The following NKX2-4 variants were observed in gnomAD, a reference collection of about 807,000 sequenced individuals.
NKX2-4 encodes the protein NK2 homeobox 4.
In NKX2-4, 6 loss-of-function variants were observed where a neutral mutation model predicts 8.6. That is an observed-to-expected ratio of 0.70 (90% CI 0.38 to 1.38). The LOEUF is 1.38. Ranked by LOEUF, NKX2-4 falls within the 40% of genes most tolerant of loss-of-function variation. The probability of loss-of-function intolerance (pLI) is 0.02; values close to 1 mark genes in which losing one functional copy is unlikely to be tolerated. For synonymous variants in NKX2-4, 299 were observed against 272.6 expected (o/e 1.10, Z -0.95); for missense variants, 601 against 548.4 (o/e 1.10, Z -0.96).
rs775372230 is a variant in NKX2-4, at chr20:21,396,284, G to A, written c.692C>T (p.Thr231Met). Reference protein sequence around the residue: ...HLASMIHLTPTQVKIWFQNHR... With the variant: ...HLASMIHLTPMQVKIWFQNHR... The stretch of plus-strand genomic sequence containing the variant: ...GTTCTGGAACCAGATCTTGACCTGC[G>A]TGGGCGTCAGGTGGATCATGCTGGC... The change falls in exon 2 of 2, where the codon ACG becomes ATG. Residue 231 changes from threonine (T) to methionine (M), a missense_variant. Coordinates refer to ENST00000351817, the MANE Select transcript of NKX2-4 (RefSeq NM_033176.2). The A allele has an allele frequency of 1.9e-6, 3 of 1,605,922 alleles. No individual in the cohort carries two copies. The South Asian group carries it at 3.3e-5, about 18-fold the overall frequency.
chr20:21,397,228 G>A lies in NKX2-4; in HGVS notation c.172C>T (p.Gln58Ter). 1 of 1,238,974 alleles carries A rather than the reference G, an allele frequency of 8.1e-7. No individual in the cohort carries two copies. The highest frequency in any genetic ancestry group is 1.0e-6 in the Non-Finnish European group (1 of 996,522). The allele number at this position is 1,238,974 out of a possible 1,614,324, so 76.7% of individuals were successfully genotyped here. The change falls in exon 1 of 2, where the codon CAG becomes TAG. Residue 58 changes from glutamine to a stop codon, truncating the protein, a stop_gained. Coordinates refer to ENST00000351817, the MANE Select transcript of NKX2-4 (RefSeq NM_033176.2). LOFTEE classifies it high-confidence loss of function. ...YRAPPPGPSS[Q>*]AATVAGMQPS... Reference sequence around the variant, plus strand: ...TGCATGCCCGCCACGGTCGCCGCCTGCGAGGAGGGCCCAGGTGGCGGCGCG... The same window carrying A: ...TGCATGCCCGCCACGGTCGCCGCCTACGAGGAGGGCCCAGGTGGCGGCGCG...
At position 21,396,178 on chromosome 20, in the gene NKX2-4, C is replaced by T. The variant is rs773438879; in HGVS notation, c.798G>A (p.Pro266=). ...CGCGGCGCGGGGACGGCGGCGGAGG[C>T]GGCGGCGGGCCCAGGCCGCCCTCCT... ...LQQEGGLGPP[P]PPPPSPRRVA... is the part of the protein sequence containing the mutation. The change falls in exon 2 of 2, where the codon CCG becomes CCA. Residue 266 remains proline (P), a synonymous_variant. Transcript: ENST00000351817. 5 of 1,501,618 alleles carry T rather than the reference C, an allele frequency of 3.3e-6. No individual in the cohort carries two copies. The highest frequency in any genetic ancestry group is 4.4e-6 in the Non-Finnish European group (5 of 1,129,802). 93.0% of individuals were successfully genotyped at this position (1,501,618 alleles called of 1,614,324 possible). A position where few individuals can be genotyped will look rare whatever the true frequency, so the allele number is the denominator to read the frequency against.
Position 21,395,903 on chromosome 20 carries a change from C to T in NKX2-4, c.*8G>A. On this transcript the variant is annotated 3_prime_UTR_variant, in exon 2 of 2. Transcript: ENST00000351817. ...GCACCAGGACCTAGCCCCGGGGCGC[C>T]CTCGCTGTCACCACGTCCTGCCATA... 1 of 1,318,616 alleles carries T rather than the reference C, an allele frequency of 7.6e-7. No individual in the cohort carries two copies. Among genetic ancestry groups the T allele is most frequent in the South Asian group, 2.7e-5 (1 of 37,548 alleles). 81.7% of individuals were successfully genotyped at this position (1,318,616 alleles called of 1,614,324 possible).
Position 21,396,547 on chromosome 20 carries a change from C to T in NKX2-4, c.443-14G>A. ...TGAACCTGGAGACTGGGGAAGAGTCCCAAGGGGGAAGGCGAGTGAGCTCCA... is the reference window on the plus strand; with the variant it reads ...TGAACCTGGAGACTGGGGAAGAGTCTCAAGGGGGAAGGCGAGTGAGCTCCA... On this transcript the variant is annotated splice_polypyrimidine_tract_variant and intron_variant, in intron 1 of 1. Coordinates refer to ENST00000351817, the MANE Select transcript of NKX2-4 (RefSeq NM_033176.2). 7.2e-7 allele frequency: 1 copy of T among 1,393,254 alleles called. No individual in the cohort carries two copies. Among genetic ancestry groups the T allele is most frequent in the Non-Finnish European group, 9.2e-7 (1 of 1,085,364 alleles). The allele number at this position is 1,393,254 out of a possible 1,614,324, so 86.3% of individuals were successfully genotyped here.
In NKX2-4 at chr20:21,397,296, G is replaced by A. The variant is rs1461602947; in HGVS notation, c.104C>T (p.Pro35Leu). Residue 35 changes from proline (P) to leucine (L), a missense_variant, in exon 1 of 2, where the codon CCA becomes CTA. By Grantham distance (98) the Pro-to-Leu change is moderately conservative. Transcript: ENST00000351817. ...KKFSGAMDGA[P>L]PGLGAPLGAA... ...CCCCAGGGGCGCCCCCAGGCCGGGT[G>A]GCGCGCCGTCCATGGCGCCGCTGAA... The A allele has an allele frequency of 4.6e-6, 6 of 1,311,682 alleles. No homozygotes were observed. The highest frequency in any genetic ancestry group is 2.4e-5 in the South Asian group (1 of 42,044). 81.3% of individuals were successfully genotyped at this position (1,311,682 alleles called of 1,614,324 possible). A position where few individuals can be genotyped will look rare whatever the true frequency, so the allele number is the denominator to read the frequency against.
In NKX2-4 at chr20:21,396,494, G is replaced by A. The variant is rs750913793; in HGVS notation, c.482C>T (p.Ala161Val). Reference sequence around the variant, plus strand: ...GATGCCGGTCAGCGACCCCATGCCGGCCACATTCACGCCCGCCGACGGCCC... The same window carrying A: ...GATGCCGGTCAGCGACCCCATGCCGACCACATTCACGCCCGCCGACGGCCC... ...FMGPSAGVNV[A>V]GMGSLTGIAD... Residue 161 changes from alanine (A) to valine (V), a missense_variant, in exon 2 of 2, where the codon GCC (alanine) becomes GTC (valine). Physicochemically the swap from Ala to Val is moderately conservative, Grantham distance 64. Coordinates refer to ENST00000351817, the MANE Select transcript of NKX2-4 (RefSeq NM_033176.2). 82 of 1,455,080 alleles carry A rather than the reference G, an allele frequency of 5.6e-5. No individual in the cohort carries two copies. Among genetic ancestry groups the A allele is most frequent in the Middle Eastern group, 4.9e-4 (2 of 4,122 alleles). The allele number at this position is 1,455,080 out of a possible 1,614,324, so 90.1% of individuals were successfully genotyped here. A position where few individuals can be genotyped will look rare whatever the true frequency, so the allele number is the denominator to read the frequency against.
rs761470230 is a variant in NKX2-4 at position 21,397,411 on chromosome 20, C to T, written c.-12G>A. 1.8e-4 allele frequency: 243 copies of T among 1,369,978 alleles called. No individual in the cohort carries two copies. The highest frequency in any genetic ancestry group is 2.2e-4 in the Non-Finnish European group (230 of 1,063,548). The allele number at this position is 1,369,978 out of a possible 1,614,324, so 84.9% of individuals were successfully genotyped here. A position where few individuals can be genotyped will look rare whatever the true frequency, so the allele number is the denominator to read the frequency against. On this transcript the variant is annotated 5_prime_UTR_variant, in exon 1 of 2. Coordinates refer to ENST00000351817, the MANE Select transcript of NKX2-4 (RefSeq NM_033176.2). ...GGGCTCAACGACATGGCTCGGCGGG[C>T]AGCCAGGTAGGGGGGCCTGGGGCGC...
At position 21,396,172 on chromosome 20, in the gene NKX2-4, C is replaced by A. The variant is rs1230502667; in HGVS notation, c.804G>T (p.Pro268=). The A allele has an allele frequency of 1.3e-6, 2 of 1,496,628 alleles. No homozygotes were observed. The highest frequency in any genetic ancestry group is 1.5e-5 in the African/African-American group (1 of 68,346). The allele number at this position is 1,496,628 out of a possible 1,614,324, so 92.7% of individuals were successfully genotyped here. Residue 268 remains proline (P), a synonymous_variant, in exon 2 of 2, where the codon CCG becomes CCT. Coordinates refer to ENST00000351817, the MANE Select transcript of NKX2-4 (RefSeq NM_033176.2). ...QEGGLGPPPP[P]PPSPRRVAVP... is the part of the protein sequence containing the mutation. ...CCGCCACGCGGCGCGGGGACGGCGG[C>A]GGAGGCGGCGGCGGGCCCAGGCCGC...
Position 21,395,575 on chromosome 20 carries a change from T to C in NKX2-4, c.*336A>G, listed in dbSNP as rs1387286977. The C allele has an allele frequency of 1.6e-5, 3 of 188,182 alleles. No homozygotes were observed. The highest frequency in any genetic ancestry group is 7.0e-5 in the African/African-American group (3 of 42,880). 11.7% of individuals were successfully genotyped at this position (188,182 alleles called of 1,614,324 possible). ...ATTGTTAAAGCTGGGTTGATTTTTA[T>C]AGTTACAAACGCCAACAAAGTTTCC... On this transcript the variant is annotated 3_prime_UTR_variant, in exon 2 of 2. Transcript: ENST00000351817.
Position 21,395,713 on chromosome 20 carries a change from A to G in NKX2-4, c.*198T>C. 2.6e-6 allele frequency: 1 copy of G among 386,462 alleles called. No homozygotes were observed. Among genetic ancestry groups the G allele is most frequent in the Non-Finnish European group, 4.5e-6 (1 of 222,470 alleles). 23.9% of individuals were successfully genotyped at this position (386,462 alleles called of 1,614,324 possible). On this transcript the variant is annotated 3_prime_UTR_variant, in exon 2 of 2. Coordinates refer to ENST00000351817, the MANE Select transcript of NKX2-4 (RefSeq NM_033176.2). ...CCTCAAAGCCTCGTGGCATAATGTTACACTACTCGGTTTCCGGGCTGTCGC... is the reference window on the plus strand; with the variant it reads ...CCTCAAAGCCTCGTGGCATAATGTTGCACTACTCGGTTTCCGGGCTGTCGC...
At chr20:21,396,589 G>C (rs1600728751) in intron 1 of NKX2-4, 56 bp from the exon 2 acceptor site, 1 of 1,318,250 alleles carries the variant, frequency 7.6e-7, no homozygotes, top group East Asian at 3.1e-5. Context: ...CCGGGAGCCG[G>C]TCCAGCCGCC....
rs916584520 is a variant in NKX2-4, at chr20:21,396,141, C to T, written c.835G>A (p.Val279Met). Residue 279 changes from valine (V) to methionine (M), a missense_variant, in exon 2 of 2, where the codon GTG becomes ATG. Val to Met is a conservative substitution (Grantham distance 21, BLOSUM62 1). Coordinates refer to ENST00000351817, the MANE Select transcript of NKX2-4 (RefSeq NM_033176.2). ...CACGGCTTGCCGTCCTTGACCAGCA[C>T]AGGCACCGCCACGCGGCGCGGGGAC... is the stretch of plus-strand genomic sequence containing the variant. ...PPSPRRVAVP[V>M]LVKDGKPCQN... 176 of 1,463,062 alleles carry T rather than the reference C, an allele frequency of 1.2e-4. No individual in the cohort carries two copies. Among genetic ancestry groups the T allele is most frequent in the Middle Eastern group, 2.4e-4 (1 of 4,162 alleles). The allele number at this position is 1,463,062 out of a possible 1,614,324, so 90.6% of individuals were successfully genotyped here.
chr20:21,397,148 T>G lies in NKX2-4; in HGVS notation c.252A>C (p.Ala84=). Residue 84 remains alanine (A), a synonymous_variant, in exon 1 of 2, where the codon GCA becomes GCC. Coordinates refer to ENST00000351817, the MANE Select transcript of NKX2-4 (RefSeq NM_033176.2). ...AGGTGGCGGCCGCCGCCGCCGCAGC[T>G]GCTGCCGCCGCCGCCGCGGCCGCCG... ...HNAAAAAAAA[A]AAAAAAATYH... The G allele has an allele frequency of 7.9e-7, 1 of 1,270,426 alleles. No individual in the cohort carries two copies. Among genetic ancestry groups the G allele is most frequent in the Non-Finnish European group, 9.9e-7 (1 of 1,014,922 alleles). The allele number at this position is 1,270,426 out of a possible 1,614,324, so 78.7% of individuals were successfully genotyped here.
At position 21,397,427 on chromosome 20, in the gene NKX2-4, C is replaced by A; in HGVS notation, c.-28G>T. 7.6e-7 allele frequency: 1 copy of A among 1,314,384 alleles called. No homozygotes were observed. Among genetic ancestry groups the A allele is most frequent in the Non-Finnish European group, 9.6e-7 (1 of 1,037,184 alleles). 81.4% of individuals were successfully genotyped at this position (1,314,384 alleles called of 1,614,324 possible). ...CTCGGCGGGCAGCCAGGTAGGGGGGCCTGGGGCGCGCGCCGGCAGGACGCG... is the reference window on the plus strand; with the variant it reads ...CTCGGCGGGCAGCCAGGTAGGGGGGACTGGGGCGCGCGCCGGCAGGACGCG... On this transcript the variant is annotated 5_prime_UTR_variant, in exon 1 of 2. Coordinates refer to ENST00000351817, the MANE Select transcript of NKX2-4 (RefSeq NM_033176.2).
In NKX2-4 at chr20:21,396,511, C is replaced by T. The variant is rs753998000; in HGVS notation, c.465G>A (p.Ser155=). Residue 155 remains serine, a synonymous_variant, in exon 2 of 2, where the codon TCG becomes TCA. Coordinates refer to ENST00000351817, the MANE Select transcript of NKX2-4 (RefSeq NM_033176.2). Reference sequence around the variant, plus strand: ...CCATGCCGGCCACATTCACGCCCGCCGACGGCCCCATGAACCTGGAGACTG... The same window carrying T: ...CCATGCCGGCCACATTCACGCCCGCTGACGGCCCCATGAACCTGGAGACTG... ...YSSISRFMGP[S]AGVNVAGMGS... 2 of 1,436,018 alleles carry T rather than the reference C, an allele frequency of 1.4e-6. No individual in the cohort carries two copies. The highest frequency in any genetic ancestry group is 9.0e-7 in the Non-Finnish European group (1 of 1,110,168). The allele number at this position is 1,436,018 out of a possible 1,614,324, so 89.0% of individuals were successfully genotyped here. A position where few individuals can be genotyped will look rare whatever the true frequency, so the allele number is the denominator to read the frequency against.
At chr20:21,396,781 C>T (rs1054038332) in intron 1 of NKX2-4, among the ~76,000 whole-genome samples, 177 bp downstream of exon 1, 3 of 150,164 alleles carry the variant, frequency 2.0e-5, no homozygotes, top group Admixed American at 1.3e-4. Context: ...ACCCCCCGCG[C>T]GCCCAGGGTC....
Position 21,395,866 on chromosome 20 carries a change from G to A in NKX2-4, c.*45C>T, listed in dbSNP as rs2039011345. ...CCATCCGTTCTAGCAGTTTCTTGCA[G>A]ACCCTTCGGGTGCACCAGGACCTAG... On this transcript the variant is annotated 3_prime_UTR_variant, in exon 2 of 2. Coordinates refer to ENST00000351817, the MANE Select transcript of NKX2-4 (RefSeq NM_033176.2). The A allele has an allele frequency of 7.8e-7, 1 of 1,290,308 alleles. No homozygotes were observed. The highest frequency in any genetic ancestry group is 9.8e-7 in the Non-Finnish European group (1 of 1,015,362). 79.9% of individuals were successfully genotyped at this position (1,290,308 alleles called of 1,614,324 possible).
rs747777033 is a variant in NKX2-4 at position 21,395,874 on chromosome 20, G to A, written c.*37C>T. The A allele has an allele frequency of 3.0e-5, 39 of 1,297,630 alleles. No homozygotes were observed. The highest frequency in any genetic ancestry group is 3.6e-5 in the Non-Finnish European group (37 of 1,020,310). The allele number at this position is 1,297,630 out of a possible 1,614,324, so 80.4% of individuals were successfully genotyped here. On this transcript the variant is annotated 3_prime_UTR_variant, in exon 2 of 2. Transcript: ENST00000351817. Reference sequence around the variant, plus strand: ...TCTAGCAGTTTCTTGCAGACCCTTCGGGTGCACCAGGACCTAGCCCCGGGG... The same window carrying A: ...TCTAGCAGTTTCTTGCAGACCCTTCAGGTGCACCAGGACCTAGCCCCGGGG...
Position 21,396,989 on chromosome 20 carries a change from G to C in NKX2-4, c.411C>G (p.Tyr137Ter), listed in dbSNP as rs1168522585. The change falls in exon 1 of 2, where the codon TAC becomes TAG. Residue 137 changes from tyrosine to a stop codon, truncating the protein, a stop_gained. Transcript: ENST00000351817. LOFTEE classifies it low-confidence loss of function (END_TRUNC). ...AGTAGCGTGGGTCCGGGTTGGCGCC[G>C]TACCAGCCGGTGGCCGCGCCGCCCC... ...GMRGGAATGW[Y>*]GANPDPRYSS... is the part of the protein sequence containing the mutation. The C allele has an allele frequency of 1.4e-6, 2 of 1,475,416 alleles. No individual in the cohort carries two copies. The highest frequency in any genetic ancestry group is 8.9e-7 in the Non-Finnish European group (1 of 1,117,478). 91.4% of individuals were successfully genotyped at this position (1,475,416 alleles called of 1,614,324 possible).
Sources: allele counts gnomAD v4.1 joint callset (sites outside exome capture counted in the v4.1 genomes callset), GRCh38; gene constraint gnomAD v4.1.1; transcripts MANE v1.5; gene names NCBI Gene and HGNC (gene_info 2026-07-23, HGNC 2026-07-21).